AUTS2: variants seen among roughly 807,000 people sequenced by gnomAD.
The protein encoded by AUTS2 is activator of transcription and developmental regulator AUTS2.
Under a neutral mutation model 112.4 loss-of-function variants are expected in AUTS2, and 17 were observed. The observed-to-expected ratio is 0.15, with a 90% CI of 0.10 to 0.23. The LOEUF is 0.23. Ranked by LOEUF, AUTS2 falls within the 10% of genes least tolerant of loss-of-function variation. The pLI is 1.00. For synonymous variants in AUTS2, 751 were observed against 702.7 expected (o/e 1.07, Z -1.09); for missense variants, 1,510 against 1,701.6 (o/e 0.89, Z 1.98).
At chr7:70,250,245 G>C (rs753147730) in intron 4 of AUTS2, among the ~76,000 whole-genome samples, 17 of 152,058 alleles carry the variant, frequency 1.1e-4, no homozygotes, top group Non-Finnish European at 2.2e-4. Context: ...GTTACAAATA[G>C]GGATGAAGGT....
intron 4 of AUTS2, among the ~76,000 whole-genome samples, chr7:70,284,475 A>T (rs1285682338): frequency 6.6e-6 from 1 of 152,150 alleles, no homozygotes; most frequent in Non-Finnish European, 1.5e-5. Flanking sequence ...CCAATACAGG[A>T]TATCAGCCAT....
chr7:69,607,878 C>A (rs1184448297), intron 1 of AUTS2, among the ~76,000 whole-genome samples: 2 of 152,166 alleles, frequency 1.3e-5, no homozygotes, highest in Non-Finnish European at 2.9e-5. Flanking sequence ...TGAAGCACAG[C>A]CTGCAAATAT....
chr7:69,939,606 G>T (rs1201290075), intron 2 of AUTS2, among the ~76,000 whole-genome samples: 1 of 152,186 alleles, frequency 6.6e-6, no homozygotes, highest in Non-Finnish European at 1.5e-5. Context: ...ACACCTCTGA[G>T]TTGATGAATA....
At chr7:70,254,869 G>A (rs1236455878) in intron 4 of AUTS2, among the ~76,000 whole-genome samples, 1 of 152,102 alleles carries the variant, frequency 6.6e-6, no homozygotes, top group East Asian at 1.9e-4. Context: ...ACTATCTCAG[G>A]ATGTATGTGT....
At chr7:70,709,206 C>T (rs1021796792) in intron 6 of AUTS2, among the ~76,000 whole-genome samples, 4 of 151,920 alleles carry the variant, frequency 2.6e-5, no homozygotes, top group African/African-American at 4.8e-5. Flanking sequence ...CGTGAGCCAC[C>T]GTACCCGGCC....
At chr7:70,649,794 TG>T (rs960260844) in intron 5 of AUTS2, among the ~76,000 whole-genome samples, 1 of 152,112 alleles carries the variant, frequency 6.6e-6, no homozygotes, top group African/African-American at 2.4e-5. Flanking sequence ...TCCAAAGTGC[TG>T]GGATTATAGG....
intron 1 of AUTS2, among the ~76,000 whole-genome samples, chr7:69,789,968 A>G (rs1314173067): frequency 6.6e-6 from 1 of 152,102 alleles, no homozygotes; most frequent in Non-Finnish European, 1.5e-5. Flanking sequence ...AGAACTAAAT[A>G]TATCTCAACG....
At chr7:69,637,812 A>T (rs1794618207) in intron 1 of AUTS2, among the ~76,000 whole-genome samples, 2 of 152,190 alleles carry the variant, frequency 1.3e-5, no homozygotes, top group East Asian at 3.9e-4. Flanking sequence ...GTGGCCTTGG[A>T]GAGGCTGTTA....
chr7:70,784,797 T>A (rs1290296481), intron 15 of AUTS2, 145 bp from the exon 16 acceptor site: 1 of 564,154 alleles, frequency 1.8e-6, no homozygotes, highest in Non-Finnish European at 3.2e-6. Context: ...TTACCCTGTG[T>A]CTTGCCTGCA....
chr7:69,842,399 T>G (rs565682252), intron 1 of AUTS2, among the ~76,000 whole-genome samples: 1 of 152,224 alleles, frequency 6.6e-6, no homozygotes, highest in Non-Finnish European at 1.5e-5. Context: ...ACGCTTTTAC[T>G]GTTCATAACA....
chr7:70,412,896 C>T (rs1356302418), intron 4 of AUTS2, among the ~76,000 whole-genome samples: 1 of 152,132 alleles, frequency 6.6e-6, no homozygotes, highest in Non-Finnish European at 1.5e-5. Flanking sequence ...GAGGCTGAGG[C>T]GGGAGAATCG....
chr7:70,235,862 G>A (rs1176836099), intron 4 of AUTS2, among the ~76,000 whole-genome samples: 1 of 152,008 alleles, frequency 6.6e-6, no homozygotes, highest in African/African-American at 2.4e-5. Flanking sequence ...ATTTCACTGT[G>A]TTGGCCAGGC....
At chr7:70,323,265 C>G (rs1790337625) in intron 4 of AUTS2, among the ~76,000 whole-genome samples, 1 of 152,158 alleles carries the variant, frequency 6.6e-6, no homozygotes, top group East Asian at 1.9e-4. Flanking sequence ...CAGTCCACAA[C>G]CCAACTCAGA....
At chr7:69,690,563 G>T (rs1278355561) in intron 1 of AUTS2, among the ~76,000 whole-genome samples, 1 of 152,178 alleles carries the variant, frequency 6.6e-6, no homozygotes, top group Non-Finnish European at 1.5e-5. Flanking sequence ...TGGCTGTGGG[G>T]TGGGCAGCTC....
At chr7:70,665,270 TC>T (rs1166885006) in intron 5 of AUTS2, among the ~76,000 whole-genome samples, 3 of 151,950 alleles carry the variant, frequency 2.0e-5, no homozygotes, top group African/African-American at 7.3e-5. Flanking sequence ...ATCTTTTTTT[TC>T]TTCTTCTCCT....
At chr7:70,449,719 A>G (rs1796454239) in intron 5 of AUTS2, among the ~76,000 whole-genome samples, 1 of 152,220 alleles carries the variant, frequency 6.6e-6, no homozygotes, top group African/African-American at 2.4e-5. Context: ...AATTGCCTAA[A>G]TATTCATAGA....
At chr7:70,114,803 GA>G (rs1298360220) in intron 2 of AUTS2, among the ~76,000 whole-genome samples, 114 of 139,108 alleles carry the variant, frequency 8.2e-4, no homozygotes, top group African/African-American at 1.2e-3. Context: ...CTCCGTCTCA[GA>G]AAAAAAAAAA....
chr7:70,547,374 C>G (rs1800832447), intron 5 of AUTS2, among the ~76,000 whole-genome samples: 1 of 152,178 alleles, frequency 6.6e-6, no homozygotes, highest in Non-Finnish European at 1.5e-5. Flanking sequence ...CCTGTTTCAG[C>G]CTTCCAAGTA....
At chr7:70,668,560 T>C (rs888489424) in intron 5 of AUTS2, among the ~76,000 whole-genome samples, 6 of 152,216 alleles carry the variant, frequency 3.9e-5, no homozygotes, top group African/African-American at 1.4e-4. Flanking sequence ...TCGTTTGTCA[T>C]GTGTGATTGC....
Sources: allele counts gnomAD v4.1 joint callset (sites outside exome capture counted in the v4.1 genomes callset), GRCh38; gene constraint gnomAD v4.1.1; transcripts MANE v1.5; gene names NCBI Gene and HGNC (gene_info 2026-07-23, HGNC 2026-07-21).